The following MYLK variants were observed in gnomAD, a reference collection of about 807,000 sequenced individuals.
The protein encoded by MYLK is myosin light chain kinase, smooth muscle.
MYLK carries 106 observed loss-of-function variants against 203.4 expected under a neutral mutation model. That is an observed-to-expected ratio of 0.52 (90% CI 0.45 to 0.61). The LOEUF (loss-of-function observed/expected upper bound fraction) is 0.61. Ranked by LOEUF, MYLK falls within the 20% of genes least tolerant of loss-of-function variation. MYLK has a pLI of 0.00. For missense variants in MYLK, 2,072 were observed against 2,442.3 expected (o/e 0.85, Z 3.20); for synonymous variants, 867 against 959.5 (o/e 0.90, Z 1.78).
At position 123,801,423 on chromosome 3, in the gene MYLK, TA is replaced by T. The variant is rs1318248711; in HGVS notation, c.-3-7580del. Among the ~76,000 whole-genome samples the T allele has an allele frequency of 5.9e-5, 9 of 152,222 alleles. No homozygotes were observed. In the East Asian group the frequency reaches 1.7e-3, roughly 29 times the overall value. ...TTTAACTTTTACTTTATTTTCCCTT[TA>T]AAAAAAACTTTTATTCTAGAGTAAG... On this transcript the variant is annotated intron_variant, in intron 3 of 33. Transcript: ENST00000360304.
At position 123,671,013 on chromosome 3, in the gene MYLK, A is replaced by T. The variant is rs6770745; in HGVS notation, c.3653-3826T>A. On this transcript the variant is annotated intron_variant, in intron 20 of 33. Transcript: ENST00000360304. ...GGTCTTTCCAGCTCTTGCGGGACAG[A>T]TCCAATTAGGAGGCTATTGCCATAC... Among the ~76,000 whole-genome samples the T allele has an allele frequency of 5.2e-3, 796 of 152,388 alleles. 5 individuals carry two copies. The highest frequency in any genetic ancestry group is 9.0e-3 in the Non-Finnish European group (613 of 68,036).
intron 28 of MYLK, among the ~76,000 whole-genome samples, chr3:123,638,451 C>T (rs752392851): frequency 3.9e-5 from 6 of 152,192 alleles, no homozygotes; most frequent in Non-Finnish European, 5.9e-5. Context: ...CTAAATCACC[C>T]GCCCCTGAAT....
intron 4 of MYLK, among the ~76,000 whole-genome samples, chr3:123,757,198 A>G (rs2063384150): frequency 6.6e-6 from 1 of 152,246 alleles, no homozygotes; most frequent in Non-Finnish European, 1.5e-5. Context: ...TTTCTCTAAC[A>G]TATATCAAGG....
At chr3:123,626,473 T>C (rs1429462720) in intron 31 of MYLK, among the ~76,000 whole-genome samples, 1 of 152,102 alleles carries the variant, frequency 6.6e-6, no homozygotes, top group Non-Finnish European at 1.5e-5. Flanking sequence ...ATTCTCAGGG[T>C]TGACAAATGG....
Position 123,734,033 on chromosome 3 carries a change from C to G in MYLK, c.963G>C (p.Lys321Asn). The G allele has an allele frequency of 1.2e-6, 2 of 1,614,150 alleles. No homozygotes were observed. Among genetic ancestry groups the G allele is most frequent in the Non-Finnish European group, 1.7e-6 (2 of 1,180,020 alleles). Residue 321 changes from lysine to asparagine, a missense_variant, in exon 10 of 34, where the codon AAG becomes AAC. By Grantham distance (94) the Lys-to-Asn change is moderately conservative (BLOSUM62 0). Transcript: ENST00000360304. The part of the protein sequence containing the change: ...NSQPQPPRES[K>N]LESCKDSPRT... ...TGGGCGAGTCCTTGCATGACTCCAG[C>G]TTGGACTCCCTTGGGGGCTGAGGCT...
rs139355377 is a variant in MYLK at position 123,736,975 on chromosome 3, G to C, written c.754+403C>G. The stretch of plus-strand genomic sequence containing the variant: ...TGGCCGGGCGTGGTGGCTCACACCT[G>C]TAATCCCAGCACTTTGGGAGGCCAA... On this transcript the variant is annotated intron_variant, in intron 8 of 33. Transcript: ENST00000360304. 2.5e-3 allele frequency among the ~76,000 whole-genome samples: 379 copies of C among 151,992 alleles called. 1 individual carries two copies. Among genetic ancestry groups the C allele is most frequent in the African/African-American group, 8.9e-3 (368 of 41,436 alleles).
intron 2 of MYLK, among the ~76,000 whole-genome samples, chr3:123,841,950 T>C (rs2148649531): frequency 6.6e-6 from 1 of 152,276 alleles, no homozygotes; most frequent in Middle Eastern, 3.4e-3. Context: ...TGTGGTAGAT[T>C]ATCTCCCATC....
chr3:123,723,648 G>T (rs2062171571), intron 12 of MYLK, among the ~76,000 whole-genome samples: 1 of 152,212 alleles, frequency 6.6e-6, no homozygotes, highest in South Asian at 2.1e-4. Context: ...TGTTGGCTCA[G>T]GGCACATCAG....
chr3:123,700,662 T>C lies in MYLK; in HGVS notation c.2806A>G (p.Lys936Glu), dbSNP rs2061160125. ...TTCCTCTCTTCCTCAGACACAGTCT[T>C]TGGCTTCACTTGCCGCTGCAGGTTG... ...RANLQRQVKP[K>E]TVSEEERKVH... Residue 936 changes from lysine (K) to glutamate (E), a missense_variant, in exon 18 of 34, where the codon AAG (lysine) becomes GAG (glutamate). Lys to Glu is a moderately conservative substitution (Grantham distance 56). This residue lies in a region of MYLK where 865 missense variants were observed against 1,016.0 expected (regional missense o/e 0.85). Coordinates refer to ENST00000360304, the MANE Select transcript of MYLK (RefSeq NM_053025.4). 6.2e-7 allele frequency: 1 copy of C among 1,614,148 alleles called. No homozygotes were observed. Among genetic ancestry groups the C allele is most frequent in the African/African-American group, 1.3e-5 (1 of 75,044 alleles).
At chr3:123,689,038 C>T (rs1434968829) in intron 19 of MYLK, among the ~76,000 whole-genome samples, 4 of 152,222 alleles carry the variant, frequency 2.6e-5, no homozygotes, top group African/African-American at 4.8e-5. Flanking sequence ...GTGCCTGGCA[C>T]AGAGTGGGCA....
intron 4 of MYLK, among the ~76,000 whole-genome samples, chr3:123,783,569 G>A (rs1456323271): frequency 6.6e-6 from 1 of 152,110 alleles, no homozygotes; most frequent in East Asian, 1.9e-4. Flanking sequence ...CAGCTGTACT[G>A]AGTCTTCTTG....
At chr3:123,791,196 G>A (rs2064766805) in intron 4 of MYLK, among the ~76,000 whole-genome samples, 1 of 152,194 alleles carries the variant, frequency 6.6e-6, no homozygotes, top group East Asian at 1.9e-4. Context: ...ACATGCATTG[G>A]AAGGCAGATC....
intron 24 of MYLK, among the ~76,000 whole-genome samples, chr3:123,649,648 T>C (rs900948138): frequency 1.3e-5 from 2 of 152,224 alleles, no homozygotes; most frequent in African/African-American, 4.8e-5. Context: ...ACCAAGCATC[T>C]TGAATGCCAG....
intron 3 of MYLK, among the ~76,000 whole-genome samples, chr3:123,820,034 G>A (rs1359135947): frequency 6.6e-6 from 1 of 152,132 alleles, no homozygotes; most frequent in African/African-American, 2.4e-5. Flanking sequence ...AGAACTGAAA[G>A]TTCTACCAGC....
At chr3:123,866,694 C>G (rs2032352844) in intron 2 of MYLK, among the ~76,000 whole-genome samples, 2 of 152,078 alleles carry the variant, frequency 1.3e-5, no homozygotes, top group African/African-American at 4.8e-5. Flanking sequence ...ACCACATTGT[C>G]CCCTCCCCAG....
At chr3:123,637,051 C>G (rs2058667569) in intron 29 of MYLK, among the ~76,000 whole-genome samples, 1 of 152,198 alleles carries the variant, frequency 6.6e-6, no homozygotes, top group African/African-American at 2.4e-5. Flanking sequence ...CTGAAGGCCC[C>G]AGGGGTCTAA....
chr3:123,810,470 G>A (rs552194403), intron 3 of MYLK, among the ~76,000 whole-genome samples: 4 of 152,308 alleles, frequency 2.6e-5, no homozygotes, highest in Admixed American at 2.6e-4. Flanking sequence ...GCTTGGGCCG[G>A]CCCACTGTGT....
chr3:123,725,793 C>A, intron 12 of MYLK, 151 bp downstream of exon 12: 1 of 1,159,502 alleles, frequency 8.6e-7, no homozygotes. Flanking sequence ...GAGCAGGATC[C>A]CAGTGCCCGT....
chr3:123,709,116 T>A (rs2061580582), intron 14 of MYLK: 1 of 439,672 alleles, frequency 2.3e-6, no homozygotes, highest in Non-Finnish European at 4.0e-6. Flanking sequence ...CTTCTGAGAT[T>A]TGGGAAGTTC....
Sources: allele counts gnomAD v4.1 joint callset (sites outside exome capture counted in the v4.1 genomes callset), GRCh38; gene constraint gnomAD v4.1.1; regional missense constraint gnomAD v4.1.1; transcripts MANE v1.5; gene names NCBI Gene and HGNC (gene_info 2026-07-23, HGNC 2026-07-21).